CTTNBP2: variants seen among roughly 807,000 people sequenced by gnomAD.
CTTNBP2 encodes the protein cortactin-binding protein 2.
CTTNBP2 carries 108 observed loss-of-function variants against 156.9 expected under a neutral mutation model. The observed-to-expected ratio is 0.69, with a 90% CI of 0.59 to 0.81. The LOEUF is 0.81. Ranked by LOEUF, CTTNBP2 falls within the 30% of genes least tolerant of loss-of-function variation. CTTNBP2 has a pLI of 0.00. For missense variants in CTTNBP2, 1,924 were observed against 2,035.4 expected (o/e 0.95, Z 1.05); for synonymous variants, 767 against 751.8 (o/e 1.02, Z -0.33).
chr7:117,746,119 A>C lies in CTTNBP2; in HGVS notation c.3349-20T>G. 6.4e-7 allele frequency: 1 copy of C among 1,572,838 alleles called. No homozygotes were observed. Among genetic ancestry groups the C allele is most frequent in the Non-Finnish European group, 8.7e-7 (1 of 1,142,964 alleles). ...CTCAACCTATTAACAAACCAAGTAG[A>C]GAGCTAGGGTGAAGATGCTAAATTG... On this transcript the variant is annotated intron_variant, in intron 12 of 22. Transcript: ENST00000160373.
Position 117,823,734 on chromosome 7 carries a change from T to C in CTTNBP2, c.190-12745A>G, listed in dbSNP as rs148519504. On this transcript the variant is annotated intron_variant, in intron 2 of 22. Coordinates refer to ENST00000160373, the MANE Select transcript of CTTNBP2 (RefSeq NM_033427.3). The stretch of plus-strand genomic sequence containing the variant: ...TGTTTTTGGAGACAGGGTCTTGCTC[T>C]GTCACCCAGGCTGGAGTGCAATCAT... Among the ~76,000 whole-genome samples the C allele has an allele frequency of 6.8e-3, 1,034 of 152,318 alleles. 3 individuals are homozygous for C. Among genetic ancestry groups the C allele is most frequent in the Admixed American group, 0.01 (153 of 15,298 alleles).
chr7:117,814,333 T>G (rs947264495), intron 2 of CTTNBP2, among the ~76,000 whole-genome samples: 1 of 152,132 alleles, frequency 6.6e-6, no homozygotes, highest in Non-Finnish European at 1.5e-5. Flanking sequence ...TAGTTTTAAC[T>G]GAGTCATATT....
At chr7:117,801,249 T>G (rs965410333) in intron 3 of CTTNBP2, among the ~76,000 whole-genome samples, 1 of 152,226 alleles carries the variant, frequency 6.6e-6, no homozygotes, top group African/African-American at 2.4e-5. Flanking sequence ...AATATCAACA[T>G]ATTTCTCCAC....
chr7:117,808,095 C>T (rs1269437911), intron 3 of CTTNBP2, among the ~76,000 whole-genome samples: 1 of 152,170 alleles, frequency 6.6e-6, no homozygotes, highest in Non-Finnish European at 1.5e-5. Context: ...AATTGTTCCC[C>T]CTCTGAATTT....
At chr7:117,811,577 C>T (rs1474092775) in intron 2 of CTTNBP2, among the ~76,000 whole-genome samples, 2 of 152,138 alleles carry the variant, frequency 1.3e-5, no homozygotes, top group Non-Finnish European at 2.9e-5. Flanking sequence ...TGCTGGGAGC[C>T]ACCATGCCCC....
chr7:117,823,714 T>C (rs1170852655), intron 2 of CTTNBP2, among the ~76,000 whole-genome samples: 2 of 152,188 alleles, frequency 1.3e-5, no homozygotes, highest in Non-Finnish European at 2.9e-5. Context: ...TCGTTTGTTT[T>C]TGGAGACAGG....
intron 9 of CTTNBP2, among the ~76,000 whole-genome samples, chr7:117,762,489 C>T (rs1478184968): frequency 6.6e-6 from 1 of 152,210 alleles, no homozygotes; most frequent in African/African-American, 2.4e-5. Context: ...TGAGGAAGTT[C>T]TGTTGACTCT....
Position 117,791,798 on chromosome 7 carries a change from G to A in CTTNBP2, c.1398C>T (p.Thr466=), listed in dbSNP as rs766368569. The A allele has an allele frequency of 6.2e-7, 1 of 1,614,016 alleles. No homozygotes were observed. Among genetic ancestry groups the A allele is most frequent in the African/African-American group, 1.3e-5 (1 of 74,908 alleles). ...AGACATCTCTTGACGGAGGACTTTG[G>A]GTAGTATTTCCATTTTGGTCTGGGT... ...ANDPDQNGNT[T]QSPPSRDVSP... Residue 466 remains threonine, a synonymous_variant, in exon 4 of 23, where the codon ACC becomes ACT. Coordinates refer to ENST00000160373, the MANE Select transcript of CTTNBP2 (RefSeq NM_033427.3).
chr7:117,711,363 A>C lies in CTTNBP2; in HGVS notation c.*174T>G, dbSNP rs1250637627. 1.5e-6 allele frequency: 1 copy of C among 667,684 alleles called. No individual in the cohort carries two copies. The highest frequency in any genetic ancestry group is 2.3e-6 in the Non-Finnish European group (1 of 428,818). The allele number at this position is 667,684 out of a possible 1,614,324, so 41.4% of individuals were successfully genotyped here. A position where few individuals can be genotyped will look rare whatever the true frequency, so the allele number is the denominator to read the frequency against. Reference sequence around the variant, plus strand: ...TCCTACAGAATTAAAAAAAAAAGCAACAAAATGTTGGTTATAAATACATTC... The same window carrying C: ...TCCTACAGAATTAAAAAAAAAAGCACCAAAATGTTGGTTATAAATACATTC... On this transcript the variant is annotated 3_prime_UTR_variant, in exon 23 of 23. Transcript: ENST00000160373.
Position 117,719,573 on chromosome 7 carries a change from A to T in CTTNBP2, c.4575T>A (p.Asp1525Glu). 6.2e-7 allele frequency: 1 copy of T among 1,613,952 alleles called. No homozygotes were observed. Among genetic ancestry groups the T allele is most frequent in the Non-Finnish European group, 8.5e-7 (1 of 1,179,858 alleles). ...GTTCCTTGACAAGATCTGCTTCGTCATCTGAACCCAGAGAGAGTCTCTGAT... is the reference window on the plus strand; with the variant it reads ...GTTCCTTGACAAGATCTGCTTCGTCTTCTGAACCCAGAGAGAGTCTCTGAT... ...NLDQRLSLGS[D>E]DEADLVKELQ... Residue 1525 changes from aspartate to glutamate, a missense_variant, in exon 21 of 23, where the codon GAT becomes GAA. Physicochemically the swap from Asp to Glu is conservative, Grantham distance 45. Coordinates refer to ENST00000160373, the MANE Select transcript of CTTNBP2 (RefSeq NM_033427.3).
chr7:117,773,648 AACACACACACACACACAC>A (rs71528190), intron 8 of CTTNBP2, among the ~76,000 whole-genome samples: 2,415 of 95,118 alleles, frequency 0.025, 107 homozygotes, highest in African/African-American at 0.095. Flanking sequence ...GCTTAGAGTT[AACACACACACACACACAC>A]ACACACACAC....
intron 2 of CTTNBP2, among the ~76,000 whole-genome samples, chr7:117,844,519 G>A (rs1306415035): frequency 4.6e-5 from 7 of 152,110 alleles, no homozygotes; most frequent in Admixed American, 3.9e-4. Context: ...TGGTTAGAAC[G>A]GTGTTGGCAA....
intron 7 of CTTNBP2, among the ~76,000 whole-genome samples, chr7:117,778,788 G>T (rs1798248742): frequency 1.3e-5 from 2 of 152,218 alleles, no homozygotes; most frequent in South Asian, 4.1e-4. Flanking sequence ...TTTCATAAAA[G>T]AACCTGGCCT....
chr7:117,757,940 A>C lies in CTTNBP2; in HGVS notation c.3203T>G (p.Phe1068Cys). 6.2e-7 allele frequency: 1 copy of C among 1,613,642 alleles called. No individual in the cohort carries two copies. The highest frequency in any genetic ancestry group is 8.5e-7 in the Non-Finnish European group (1 of 1,179,860). ...CATAAAGTCCCACGGGGACTGCGCG[A>C]AGCTCTGACCCACTGACCACGGCAC... ...GNVPWSVGQS[F>C]AQSPWDFMRK... The change falls in exon 11 of 23, where the codon TTC becomes TGC. Residue 1068 changes from phenylalanine (F) to cysteine (C), a missense_variant. By Grantham distance (205) the Phe-to-Cys change is radical. Transcript: ENST00000160373.
intron 1 of CTTNBP2, among the ~76,000 whole-genome samples, chr7:117,870,098 C>G (rs1398428587): frequency 2.0e-5 from 3 of 152,204 alleles, no homozygotes; most frequent in Non-Finnish European, 4.4e-5. Context: ...CTCTCTATGA[C>G]TGTTCCTCTC....
rs1294117891 is a variant in CTTNBP2, at chr7:117,719,634, G to A, written c.4514C>T (p.Ser1505Phe). ...CGTCAGTGATAGATCATTCTCTAAA[G>A]ACCTAACACAAAGTTCAGAAAAACG... The part of the protein sequence containing the change: ...NRNASLSKQK[S>F]LENDLSLTLN... Residue 1505 changes from serine to phenylalanine, a missense_variant and splice_region_variant, in exon 21 of 23, where the codon TCT becomes TTT. Ser to Phe is a radical substitution (Grantham distance 155, BLOSUM62 -2). Coordinates refer to ENST00000160373, the MANE Select transcript of CTTNBP2 (RefSeq NM_033427.3). 3.7e-6 allele frequency: 6 copies of A among 1,609,308 alleles called. No homozygotes were observed. The highest frequency in any genetic ancestry group is 1.3e-5 in the African/African-American group (1 of 74,930).
At chr7:117,741,876 T>C (rs908090973) in intron 14 of CTTNBP2, among the ~76,000 whole-genome samples, 1 of 152,266 alleles carries the variant, frequency 6.6e-6, no homozygotes, top group Non-Finnish European at 1.5e-5. Context: ...TTGCCTATGC[T>C]ATTTCTTACA....
chr7:117,797,966 C>A (rs1799414287), intron 3 of CTTNBP2, among the ~76,000 whole-genome samples: 1 of 152,014 alleles, frequency 6.6e-6, no homozygotes. Context: ...TCAGCAATTT[C>A]AAAGCAGAAA....
At chr7:117,793,630 C>T (rs1159689866) in intron 3 of CTTNBP2, 1 of 152,220 alleles carries the variant, frequency 6.6e-6, no homozygotes, top group East Asian at 1.9e-4. Flanking sequence ...AGCCCTCTCT[C>T]CCTTCCTTGG....
Sources: gnomAD v4.1 joint callset for allele counts (sites outside exome capture counted in the v4.1 genomes callset) on GRCh38, gnomAD v4.1.1 for gene constraint, MANE v1.5 for transcripts, NCBI Gene and HGNC (gene_info 2026-07-23, HGNC 2026-07-21) for gene names.